Variants in FRMD4B observed in about 807,000 individuals in gnomAD.
The protein encoded by FRMD4B is FERM domain containing 4B.
A neutral mutation model predicts 141.5 loss-of-function variants in FRMD4B; 74 were observed. The ratio of observed to expected loss-of-function variants is 0.52; its 90% CI spans 0.43 to 0.63. FRMD4B has a LOEUF of 0.63. Ranked by LOEUF, FRMD4B falls within the 30% of genes least tolerant of loss-of-function variation. The pLI is 0.00. For missense variants in FRMD4B, 1,366 were observed against 1,253.4 expected (o/e 1.09, Z -1.36); for synonymous variants, 506 against 467.9 (o/e 1.08, Z -1.05).
chr3:69,506,388 A>G (rs1004999982), intron 1 of FRMD4B, among the ~76,000 whole-genome samples: 3 of 152,052 alleles, frequency 2.0e-5, no homozygotes. Context: ...CATTCTAAGG[A>G]TGAGAAAGTG....
At chr3:69,424,875 A>C (rs1353963135) in intron 2 of FRMD4B, among the ~76,000 whole-genome samples, 1 of 152,192 alleles carries the variant, frequency 6.6e-6, no homozygotes, top group East Asian at 1.9e-4. Context: ...TCTAAATAAC[A>C]AGTTATATAG....
At chr3:69,225,673 C>T (rs1437532613) in intron 7 of FRMD4B, among the ~76,000 whole-genome samples, 11 of 104,908 alleles carry the variant, frequency 1.0e-4, no homozygotes, top group Admixed American at 4.6e-4. Flanking sequence ...CCAGCCTTGG[C>T]GACAGAGCAA....
chr3:69,478,827 T>C (rs574186214), intron 1 of FRMD4B, among the ~76,000 whole-genome samples: 2 of 152,042 alleles, frequency 1.3e-5, no homozygotes, highest in East Asian at 3.9e-4. Flanking sequence ...CCATTATTAT[T>C]GTGTGGGAGT....
intron 1 of FRMD4B, among the ~76,000 whole-genome samples, chr3:69,490,643 G>T (rs1052203671): frequency 1.3e-5 from 2 of 152,174 alleles, no homozygotes; most frequent in African/African-American, 4.8e-5. Flanking sequence ...GTCATGGCAA[G>T]TACCTAACAG....
intron 1 of FRMD4B, among the ~76,000 whole-genome samples, chr3:69,314,527 C>CAAAA (rs34513769): frequency 8.0e-6 from 1 of 125,698 alleles, no homozygotes. Flanking sequence ...GACTCTGTCT[C>CAAAA]AAAAAAAAAA....
chr3:69,313,872 G>T (rs909258195), intron 1 of FRMD4B, among the ~76,000 whole-genome samples: 19 of 151,336 alleles, frequency 1.3e-4, no homozygotes, highest in Non-Finnish European at 2.5e-4. Context: ...GGGCGCGGTG[G>T]CTCACGCCTG....
At chr3:69,274,417 C>A (rs1575681167) in intron 5 of FRMD4B, among the ~76,000 whole-genome samples, 1 of 152,308 alleles carries the variant, frequency 6.6e-6, no homozygotes, top group African/African-American at 2.4e-5. Flanking sequence ...TGGCAGGGGG[C>A]TGGCTAAGAT....
At chr3:69,411,839 C>A (rs1668803729) in intron 2 of FRMD4B, among the ~76,000 whole-genome samples, 2 of 152,166 alleles carry the variant, frequency 1.3e-5, no homozygotes, top group African/African-American at 4.8e-5. Flanking sequence ...TGCTTTTGAA[C>A]AATTATCTAT....
At chr3:69,210,632 T>A (rs535397653) in intron 11 of FRMD4B, among the ~76,000 whole-genome samples, 25 of 152,320 alleles carry the variant, frequency 1.6e-4, no homozygotes, top group South Asian at 8.3e-4. Flanking sequence ...TTAAAAATTT[T>A]TCCTTTAATT....
At chr3:69,465,281 C>T (rs866571904) in intron 1 of FRMD4B, among the ~76,000 whole-genome samples, 1 of 149,810 alleles carries the variant, frequency 6.7e-6, no homozygotes, top group Non-Finnish European at 1.5e-5. Context: ...GATTGCACCA[C>T]TGCGCTCCAG....
At chr3:69,383,480 T>C (rs1464984958) in intron 1 of FRMD4B, among the ~76,000 whole-genome samples, 1 of 152,242 alleles carries the variant, frequency 6.6e-6, no homozygotes, top group East Asian at 1.9e-4. Flanking sequence ...TAGATGTACA[T>C]AGTTCGGGGG....
At position 69,284,094 on chromosome 3, in the gene FRMD4B, C is replaced by A. The variant is rs113155236; in HGVS notation, c.501+3658G>T. Among the ~76,000 whole-genome samples, 1,262 of 152,180 alleles carry A rather than the reference C, an allele frequency of 8.3e-3. 16 individuals are homozygous for A. The highest frequency in any genetic ancestry group is 0.028 in the African/African-American group (1,159 of 41,526). On this transcript the variant is annotated intron_variant, in intron 5 of 22. Transcript: ENST00000398540. Reference sequence around the variant, plus strand: ...GCCCTATGACTGCCCCCAGTACTGTCAAGAGAGGGCTCCAGGCTGTGGAGG... The same window carrying A: ...GCCCTATGACTGCCCCCAGTACTGTAAAGAGAGGGCTCCAGGCTGTGGAGG...
intron 9 of FRMD4B, among the ~76,000 whole-genome samples, chr3:69,219,467 T>G (rs2093172934): frequency 6.6e-6 from 1 of 152,162 alleles, no homozygotes; most frequent in Non-Finnish European, 1.5e-5. Context: ...ATGCAGCAAC[T>G]AAACTGCACA....
intron 5 of FRMD4B, among the ~76,000 whole-genome samples, chr3:69,277,784 C>A (rs1169254828): frequency 1.3e-5 from 2 of 152,028 alleles, no homozygotes; most frequent in African/African-American, 2.4e-5. Context: ...CCTGCCTTGG[C>A]CTCCCAAAGT....
chr3:69,328,414 C>CT (rs796485700), intron 1 of FRMD4B, among the ~76,000 whole-genome samples: 8 of 152,128 alleles, frequency 5.3e-5, no homozygotes, highest in African/African-American at 1.7e-4. Flanking sequence ...ATCAGTGTCC[C>CT]TTTTTCCCCA....
chr3:69,454,469 G>A (rs531568363), intron 1 of FRMD4B, among the ~76,000 whole-genome samples: 80 of 152,306 alleles, frequency 5.3e-4, no homozygotes, highest in African/African-American at 1.9e-3. Flanking sequence ...AGGGCTGTGC[G>A]CCACACTCAC....
chr3:69,280,552 C>T lies in FRMD4B; in HGVS notation c.501+7200G>A, dbSNP rs1386378777. ...CTAAGAGCATCACCATGTACAACAA[C>T]GTTCAGAATTAAAGGAAAGAGGGAG... On this transcript the variant is annotated intron_variant, in intron 5 of 22. Coordinates refer to ENST00000398540, the MANE Select transcript of FRMD4B (RefSeq NM_015123.3). 2.6e-5 allele frequency among the ~76,000 whole-genome samples: 4 copies of T among 152,066 alleles called. No homozygotes were observed. In the East Asian group the frequency reaches 5.8e-4, roughly 22 times the overall value.
chr3:69,192,014 T>C (rs1242879380), intron 17 of FRMD4B, among the ~76,000 whole-genome samples: 1 of 152,234 alleles, frequency 6.6e-6, no homozygotes, highest in Non-Finnish European at 1.5e-5. Context: ...ATCTAAGATA[T>C]ATATTTTAAG....
intron 1 of FRMD4B, among the ~76,000 whole-genome samples, chr3:69,485,479 G>A (rs1204683671): frequency 6.6e-6 from 1 of 152,196 alleles, no homozygotes; most frequent in Non-Finnish European, 1.5e-5. Flanking sequence ...GGAGAACAGC[G>A]TTCCTGCCTA....
Sources: gnomAD v4.1 joint callset for allele counts (sites outside exome capture counted in the v4.1 genomes callset) on GRCh38, gnomAD v4.1.1 for gene constraint, MANE v1.5 for transcripts, NCBI Gene and HGNC (gene_info 2026-07-23, HGNC 2026-07-21) for gene names.